Variants in SHROOM3 observed in about 807,000 individuals in gnomAD.
The protein encoded by SHROOM3 is shroom family member 3.
In SHROOM3, 47 loss-of-function variants were observed where a neutral mutation model predicts 138.6. The ratio of observed to expected loss-of-function variants is 0.34; its 90% CI spans 0.27 to 0.43. The LOEUF (loss-of-function observed/expected upper bound fraction) is 0.43, where lower values mean the gene tolerates loss of function less well. Ranked by LOEUF, SHROOM3 falls within the 20% of genes least tolerant of loss-of-function variation. The pLI is 1.00. For missense variants in SHROOM3, 2,491 were observed against 2,596.5 expected (o/e 0.96, Z 0.88); for synonymous variants, 1,062 against 1,063.3 (o/e 1.00, Z 0.02).
At chr4:76,516,020 A>T (rs1448157325) in intron 1 of SHROOM3, among the ~76,000 whole-genome samples, 1 of 152,204 alleles carries the variant, frequency 6.6e-6, no homozygotes, top group Non-Finnish European at 1.5e-5. Context: ...CAGAAATGAT[A>T]CTTCATAATA....
chr4:76,643,211 C>CAAAA (rs34800196), intron 2 of SHROOM3, among the ~76,000 whole-genome samples: 2 of 125,168 alleles, frequency 1.6e-5, no homozygotes, highest in Non-Finnish European at 1.7e-5. Flanking sequence ...GATGCTGTCT[C>CAAAA]AAAAAAAAAA....
At chr4:76,627,852 C>T (rs1298691223) in intron 2 of SHROOM3, among the ~76,000 whole-genome samples, 2 of 152,072 alleles carry the variant, frequency 1.3e-5, no homozygotes, top group Non-Finnish European at 2.9e-5. Flanking sequence ...AGTCTTACTA[C>T]TAACTTTTAT....
Position 76,435,921 on chromosome 4 carries a change from A to G in SHROOM3, c.-132A>G. ...GGAAGAACATTTTACGTATGGAAGA[A>G]TTTGCTTCTCCAAACCTCTCTTTTG... On this transcript the variant is annotated 5_prime_UTR_variant, in exon 1 of 11. Transcript: ENST00000296043. The G allele has an allele frequency of 2.3e-6, 2 of 853,608 alleles. No individual in the cohort carries two copies. Among genetic ancestry groups the G allele is most frequent in the Non-Finnish European group, 3.6e-6 (2 of 552,530 alleles). 52.9% of individuals were successfully genotyped at this position (853,608 alleles called of 1,614,324 possible). A position where few individuals can be genotyped will look rare whatever the true frequency, so the allele number is the denominator to read the frequency against.
At chr4:76,632,641 T>C (rs1735360006) in intron 2 of SHROOM3, among the ~76,000 whole-genome samples, 1 of 152,136 alleles carries the variant, frequency 6.6e-6, no homozygotes, top group Admixed American at 6.5e-5. Context: ...ACAGACAATT[T>C]ATGTTTGGAG....
intron 2 of SHROOM3, among the ~76,000 whole-genome samples, chr4:76,646,875 A>C (rs1382142654): frequency 6.6e-6 from 1 of 152,160 alleles, no homozygotes; most frequent in African/African-American, 2.4e-5. Flanking sequence ...TTCTCGAAAA[A>C]CTGAAAATAG....
intron 2 of SHROOM3, among the ~76,000 whole-genome samples, chr4:76,672,634 G>A (rs112958974): frequency 0.011 from 1,632 of 152,124 alleles, 22 homozygotes; most frequent in African/African-American, 0.033. Flanking sequence ...GTGCAGTGGC[G>A]TGATCTCAGC....
chr4:76,778,872 G>C lies in SHROOM3; in HGVS notation c.5686G>C (p.Glu1896Gln), dbSNP rs758368547. 1 of 1,612,970 alleles carries C rather than the reference G, an allele frequency of 6.2e-7. No individual in the cohort carries two copies. Among genetic ancestry groups the C allele is most frequent in the Non-Finnish European group, 8.5e-7 (1 of 1,180,038 alleles). The change falls in exon 11 of 11, where the codon GAG (glutamate) becomes CAG (glutamine). Residue 1896 changes from glutamate to glutamine, a missense_variant. Physicochemically the swap from Glu to Gln is conservative, Grantham distance 29. This residue lies in a region of SHROOM3 where 470 missense variants were observed against 595.0 expected (regional missense o/e 0.79). Coordinates refer to ENST00000296043, the MANE Select transcript of SHROOM3 (RefSeq NM_020859.4). ...GQHEDARELKENLDRRERVVL... is the reference protein window; with the variant it reads ...GQHEDARELKQNLDRRERVVL... Reference sequence around the variant, plus strand: ...GCATGAGGATGCCCGGGAGCTGAAGGAGAACCTGGATCGCAGGGAGCGAGT... The same window carrying C: ...GCATGAGGATGCCCGGGAGCTGAAGCAGAACCTGGATCGCAGGGAGCGAGT...
At chr4:76,689,548 C>T (rs1402241250) in intron 2 of SHROOM3, 5 of 984,188 alleles carry the variant, frequency 5.1e-6, no homozygotes, top group African/African-American at 3.5e-5. Flanking sequence ...GGCGCGGTGG[C>T]GCAGGGCGCT....
rs767026096 is a variant in SHROOM3, at chr4:76,754,678, G to A, written c.4195G>A (p.Gly1399Ser). ...SNGHTLTQPPGPRGCEGDGPE... is the reference protein window; with the variant it reads ...SNGHTLTQPPSPRGCEGDGPE... ...TGGTCACACCCTGACCCAGCCTCCC[G>A]GTCCAAGAGGCTGTGAGGGCGATGG... The change falls in exon 7 of 11, where the codon GGT becomes AGT. Residue 1399 changes from glycine to serine, a missense_variant. By Grantham distance (56) the Gly-to-Ser change is moderately conservative. This residue lies in a region of SHROOM3 where 1,733 missense variants were observed against 1,661.6 expected (regional missense o/e 1.04). Coordinates refer to ENST00000296043, the MANE Select transcript of SHROOM3 (RefSeq NM_020859.4). The A allele has an allele frequency of 2.0e-5, 33 of 1,614,040 alleles. No homozygotes were observed. The Middle Eastern group carries it at 8.2e-4, about 40-fold the overall frequency.
At chr4:76,499,420 TA>T (rs1176741157) in intron 1 of SHROOM3, among the ~76,000 whole-genome samples, 1 of 146,408 alleles carries the variant, frequency 6.8e-6, no homozygotes, top group East Asian at 2.0e-4. Context: ...CAATACAGAG[TA>T]AAAACCATCT....
intron 2 of SHROOM3, among the ~76,000 whole-genome samples, chr4:76,618,286 C>G (rs1734926534): frequency 1.3e-5 from 2 of 152,132 alleles, no homozygotes; most frequent in African/African-American, 2.4e-5. Flanking sequence ...GCCTGGATGA[C>G]AGAGGGAGAC....
chr4:76,752,888 G>T (rs756713961), intron 6 of SHROOM3, among the ~76,000 whole-genome samples: 1 of 152,122 alleles, frequency 6.6e-6, no homozygotes, highest in Non-Finnish European at 1.5e-5. Context: ...TAAAATAAAG[G>T]CATCTGAATT....
chr4:76,471,642 C>T (rs1258439373), intron 1 of SHROOM3, among the ~76,000 whole-genome samples: 2 of 152,040 alleles, frequency 1.3e-5, no homozygotes, highest in Non-Finnish European at 2.9e-5. Flanking sequence ...GTCCTACCAC[C>T]CAGGGAGCCT....
chr4:76,639,383 G>A, intron 2 of SHROOM3: 1 of 392,196 alleles, frequency 2.5e-6, no homozygotes. Flanking sequence ...CCCACAGCAA[G>A]GTCTATTGCT....
chr4:76,624,622 T>C (rs1197019114), intron 2 of SHROOM3, among the ~76,000 whole-genome samples: 1 of 152,148 alleles, frequency 6.6e-6, no homozygotes. Flanking sequence ...GTTACGTTTT[T>C]AAAAAGAGTG....
chr4:76,605,272 A>G (rs1287676960), intron 2 of SHROOM3, among the ~76,000 whole-genome samples: 1 of 152,152 alleles, frequency 6.6e-6, no homozygotes, highest in Non-Finnish European at 1.5e-5. Context: ...ACAAGTGGAG[A>G]AATCAACAGC....
intron 2 of SHROOM3, among the ~76,000 whole-genome samples, chr4:76,619,461 G>C (rs975950993): frequency 2.6e-5 from 4 of 152,122 alleles, no homozygotes; most frequent in African/African-American, 9.7e-5. Context: ...TCACATTGTA[G>C]TGAAATTTAT....
At chr4:76,711,091 C>A (rs1261087973) in intron 3 of SHROOM3, among the ~76,000 whole-genome samples, 2 of 152,154 alleles carry the variant, frequency 1.3e-5, no homozygotes, top group Non-Finnish European at 2.9e-5. Flanking sequence ...TTATCCTCAT[C>A]ATTCTCATCA....
At chr4:76,550,052 C>T (rs1733315489) in intron 1 of SHROOM3, among the ~76,000 whole-genome samples, 1 of 152,072 alleles carries the variant, frequency 6.6e-6, no homozygotes, top group Non-Finnish European at 1.5e-5. Context: ...TCAATTTAAG[C>T]ACAGAAAGAA....
Sources: allele counts gnomAD v4.1 joint callset (sites outside exome capture counted in the v4.1 genomes callset), GRCh38; gene constraint gnomAD v4.1.1; regional missense constraint gnomAD v4.1.1; transcripts MANE v1.5; gene names NCBI Gene and HGNC (gene_info 2026-07-23, HGNC 2026-07-21).